MRC1: variants seen among roughly 807,000 people sequenced by gnomAD.
The protein encoded by MRC1 is macrophage mannose receptor 1.
MRC1 carries 62 observed loss-of-function variants against 102.9 expected under a neutral mutation model. The observed-to-expected ratio is 0.60, with a 90% CI of 0.49 to 0.74. The LOEUF is 0.74. MRC1 is among the 30% of genes least tolerant of loss of function. The pLI, the probability that MRC1 is intolerant of heterozygous loss-of-function variation, is 0.00. For missense variants in MRC1, 1,237 were observed against 862.8 expected, an observed-to-expected ratio of 1.43 and a Z score of -5.43; for synonymous variants, 457 against 298.4, an observed-to-expected ratio of 1.53 and a Z score of -5.48.
At chr10:17,884,084 A>T (rs1833556580) in intron 21 of MRC1, among the ~76,000 whole-genome samples, 1 of 152,174 alleles carries the variant, frequency 6.6e-6, no homozygotes, top group Admixed American at 6.6e-5. Context: ...CTCCTGCCTC[A>T]GCCTTTTGAG....
intron 21 of MRC1, among the ~76,000 whole-genome samples, chr10:17,884,855 T>C (rs1357826140): frequency 6.6e-6 from 1 of 152,176 alleles, no homozygotes; most frequent in Non-Finnish European, 1.5e-5. Context: ...GGGTTAAGAG[T>C]CCTTTGTCCC....
rs1278432608 is a variant in MRC1 at position 17,885,357 on chromosome 10, G to A, written c.3069G>A (p.Thr1023=). The change falls in exon 22 of 30, where the codon ACG becomes ACA. Residue 1023 remains threonine, a synonymous_variant. Coordinates refer to ENST00000569591, the MANE Select transcript of MRC1 (RefSeq NM_002438.4). ...ATTCAGAACACACGTTCCTTTGGAC[G>A]GATGGACGAGGAGTCCATTACACAA... is the stretch of plus-strand genomic sequence containing the variant. ...DVNSEHTFLW[T]DGRGVHYTNW... 7.7e-6 allele frequency: 6 copies of A among 780,818 alleles called. No individual in the cohort carries two copies. The highest frequency in any genetic ancestry group is 1.7e-5 in the African/African-American group (1 of 59,234). 48.4% of individuals were successfully genotyped at this position (780,818 alleles called of 1,614,324 possible). A position where few individuals can be genotyped will look rare whatever the true frequency, so the allele number is the denominator to read the frequency against.
intron 12 of MRC1, among the ~76,000 whole-genome samples, chr10:17,867,920 G>C (rs1475631504): frequency 1.3e-5 from 2 of 152,184 alleles, no homozygotes; most frequent in East Asian, 3.9e-4. Context: ...GTGAGGAAAG[G>C]AAATGATAGG....
chr10:17,869,682 G>A (rs1300168485), intron 12 of MRC1, among the ~76,000 whole-genome samples: 1 of 152,100 alleles, frequency 6.6e-6, no homozygotes, highest in Non-Finnish European at 1.5e-5. Flanking sequence ...GTCTGTGTTT[G>A]CATGTGCTTC....
intron 1 of MRC1, among the ~76,000 whole-genome samples, chr10:17,813,678 C>T (rs1838260391): frequency 7.4e-6 from 1 of 135,156 alleles, no homozygotes; most frequent in Non-Finnish European, 1.6e-5. Context: ...CACACACACA[C>T]ACATTATATA....
intron 7 of MRC1, among the ~76,000 whole-genome samples, chr10:17,851,566 T>G (rs1312957068): frequency 6.6e-6 from 1 of 152,288 alleles, no homozygotes; most frequent in South Asian, 2.1e-4. Flanking sequence ...AGGATCAAGA[T>G]TGTGCTTAGG....
intron 4 of MRC1, among the ~76,000 whole-genome samples, chr10:17,836,692 T>C (rs1315292552): frequency 1.3e-5 from 2 of 151,798 alleles, no homozygotes; most frequent in Non-Finnish European, 2.9e-5. Flanking sequence ...AAAAATTAGC[T>C]GGGCACGGTG....
intron 6 of MRC1, among the ~76,000 whole-genome samples, 190 bp from the exon 7 acceptor site, chr10:17,849,389 A>C (rs1052426039): frequency 1.3e-5 from 2 of 152,162 alleles, no homozygotes; most frequent in Admixed American, 1.3e-4. Flanking sequence ...TTGTCTAAAA[A>C]CCAACAAAAT....
intron 26 of MRC1, among the ~76,000 whole-genome samples, chr10:17,905,103 G>A (rs1242126898): frequency 3.3e-5 from 5 of 152,288 alleles, no homozygotes; most frequent in African/African-American, 4.8e-5. Flanking sequence ...GACAGGTCAA[G>A]TAATGGAGAT....
In MRC1 at chr10:17,907,435, T is replaced by G. The variant is rs1833910630; in HGVS notation, c.3914-99T>G. On this transcript the variant is annotated intron_variant, in intron 27 of 29. Transcript: ENST00000569591. ...TTATAAATGACTATTGATTCTAGTA[T>G]AAAAGAATATGCTTAGAAATTTCAC... is the stretch of plus-strand genomic sequence containing the variant. 3.9e-6 allele frequency: 3 copies of G among 764,840 alleles called. No individual in the cohort carries two copies. In the Admixed American group the frequency reaches 5.2e-5, roughly 13 times the overall value. The allele number at this position is 764,840 out of a possible 1,614,324, so 47.4% of individuals were successfully genotyped here.
chr10:17,838,180 C>T (rs1427300770), intron 4 of MRC1, among the ~76,000 whole-genome samples: 1 of 152,154 alleles, frequency 6.6e-6, no homozygotes, highest in African/African-American at 2.4e-5. Context: ...ACGCACAGAA[C>T]ACCCGGGGAT....
At chr10:17,813,700 A>AT (rs1168166887) in intron 1 of MRC1, among the ~76,000 whole-genome samples, 1,698 of 125,672 alleles carry the variant, frequency 0.014, 32 homozygotes, top group South Asian at 0.02. Context: ...ATATATATAT[A>AT]TTTTTTTTTT....
rs1341330079 is a variant in MRC1, at chr10:17,809,483, C to A, written c.18C>A (p.Leu6=). ...CCTGGGCCATGAGGCTACCCCTGCT[C>A]CTGGTTTTTGCCTCTGTCATTCCGG... The part of the protein sequence containing the change: MRLPL[L]LVFASVIPGA... The change falls in exon 1 of 30, where the codon CTC becomes CTA. Residue 6 remains leucine, a synonymous_variant. Coordinates refer to ENST00000569591, the MANE Select transcript of MRC1 (RefSeq NM_002438.4). 10 of 872,640 alleles carry A rather than the reference C, an allele frequency of 1.1e-5. No individual in the cohort carries two copies. The highest frequency in any genetic ancestry group is 1.8e-5 in the Non-Finnish European group (9 of 501,530). The allele number at this position is 872,640 out of a possible 1,614,324, so 54.1% of individuals were successfully genotyped here.
chr10:17,823,353 A>G lies in MRC1; in HGVS notation c.341A>G (p.Asp114Gly), dbSNP rs782662114. 7.7e-6 allele frequency: 6 copies of G among 780,832 alleles called. No individual in the cohort carries two copies. Among genetic ancestry groups the G allele is most frequent in the Non-Finnish European group, 1.2e-5 (5 of 417,934 alleles). 48.4% of individuals were successfully genotyped at this position (780,832 alleles called of 1,614,324 possible). A position where few individuals can be genotyped will look rare whatever the true frequency, so the allele number is the denominator to read the frequency against. ...NDTLLGIKGE[D>G]LFFNYGNRQE... ...ACACTTTTGGGGATCAAAGGAGAAG[A>G]TTTATTTTTTAACTACGGCAACAGA... The change falls in exon 2 of 30, where the codon GAT (aspartate) becomes GGT (glycine). Residue 114 changes from aspartate (D) to glycine (G), a missense_variant. Asp to Gly is a moderately conservative substitution (Grantham distance 94). Coordinates refer to ENST00000569591, the MANE Select transcript of MRC1 (RefSeq NM_002438.4).
intron 22 of MRC1, among the ~76,000 whole-genome samples, chr10:17,888,745 T>G (rs2130702355): frequency 6.6e-6 from 1 of 152,350 alleles, no homozygotes; most frequent in South Asian, 2.1e-4. Context: ...CTACTATTAT[T>G]GGAAGAAGTA....
In MRC1 at chr10:17,824,641, C is replaced by CA. The variant is rs1188582349; in HGVS notation, c.463+1174dup. On this transcript the variant is annotated intron_variant, in intron 2 of 29. Coordinates refer to ENST00000569591, the MANE Select transcript of MRC1 (RefSeq NM_002438.4). Reference sequence around the variant, plus strand: ...ATATGAGGGGCAAGCTAAGTGAACACAAAAAAAACCTTTCAGGAGAAACTC... The same window carrying CA: ...ATATGAGGGGCAAGCTAAGTGAACACAAAAAAAAACCTTTCAGGAGAAACTC... 2.2e-3 allele frequency among the ~76,000 whole-genome samples: 339 copies of CA among 151,236 alleles called. 1 individual carries two copies. Among genetic ancestry groups the CA allele is most frequent in the African/African-American group, 7.1e-3 (293 of 41,214 alleles).
chr10:17,820,274 C>T (rs900242224), intron 1 of MRC1, among the ~76,000 whole-genome samples: 1 of 151,688 alleles, frequency 6.6e-6, no homozygotes, highest in African/African-American at 2.4e-5. Flanking sequence ...TTCACTATTG[C>T]CTTAGGATGC....
chr10:17,875,301 A>G (rs1336370699), intron 17 of MRC1, 48 bp downstream of exon 17: 2 of 776,628 alleles, frequency 2.6e-6, no homozygotes, highest in African/African-American at 3.4e-5. Context: ...TTTGGGGAAC[A>G]GGTGTTGTTT....
At chr10:17,907,798 TG>T (rs1384609194) in intron 28 of MRC1, 100 bp downstream of exon 28, 27 of 741,330 alleles carry the variant, frequency 3.6e-5, no homozygotes, top group Middle Eastern at 2.9e-4. Context: ...ACGAGGCCAT[TG>T]GAAGCTCTGT....
Sources: allele counts gnomAD v4.1 joint callset (sites outside exome capture counted in the v4.1 genomes callset), GRCh38; gene constraint gnomAD v4.1.1; transcripts MANE v1.5; gene names NCBI Gene and HGNC (gene_info 2026-07-23, HGNC 2026-07-21).